The following CLEC4A variants were observed in gnomAD, a reference collection of about 807,000 sequenced individuals.
CLEC4A encodes C-type (calcium dependent, carbohydrate-recognition domain) lectin, superfamily member 6.
Under a neutral mutation model 32.7 loss-of-function variants are expected in CLEC4A, and 27 were observed. That is an observed-to-expected ratio of 0.83 (90% CI 0.61 to 1.14). The LOEUF is 1.14. Ranked by LOEUF, CLEC4A falls within the 50% of genes most tolerant of loss-of-function variation. The pLI is 0.00. For missense variants in CLEC4A, 253 were observed against 274.6 expected, an observed-to-expected ratio of 0.92 and a Z score of 0.55; for synonymous variants, 89 against 93.7, an observed-to-expected ratio of 0.95 and a Z score of 0.29.
chr12:8,103,620 C>T, the CLEC4A span, among the ~76,000 whole-genome samples: 1 of 152,142 alleles, frequency 6.6e-6, no homozygotes, highest in Non-Finnish European at 1.5e-5. Context: ...CTCCTGACCT[C>T]ATGATCCCTC....
the CLEC4A span, among the ~76,000 whole-genome samples, chr12:8,113,997 G>A: frequency 1.3e-5 from 2 of 152,148 alleles, no homozygotes; most frequent in African/African-American, 2.4e-5. Context: ...GGGGGCATTC[G>A]TACTTGTAAT....
chr12:8,119,691 C>T (rs899008460), upstream of CLEC4A, among the ~76,000 whole-genome samples: 12 of 152,188 alleles, frequency 7.9e-5, no homozygotes, highest in South Asian at 2.1e-4. Context: ...AATAGTCTAA[C>T]GAATATCTTG....
chr12:8,134,306 G>A (rs1287321220), intron 3 of CLEC4A: 2 of 1,612,134 alleles, frequency 1.2e-6, no homozygotes, highest in Non-Finnish European at 1.7e-6. Context: ...GCGGCAGATG[G>A]TCGTTTGGCT....
At chr12:8,119,158 T>G (rs1165615509), upstream of CLEC4A, among the ~76,000 whole-genome samples, 1 of 152,244 alleles carries the variant, frequency 6.6e-6, no homozygotes, top group African/African-American at 2.4e-5. Context: ...CCAGCTGAAT[T>G]AGCTAGCCTT....
the CLEC4A span, among the ~76,000 whole-genome samples, chr12:8,114,284 G>T: frequency 1.3e-5 from 2 of 151,314 alleles, no homozygotes; most frequent in Non-Finnish European, 2.9e-5. Context: ...TTGCTCTGTC[G>T]CCCAGGCTGG....
At chr12:8,123,242 C>T (rs191405279), upstream of CLEC4A, among the ~76,000 whole-genome samples, 1 of 152,100 alleles carries the variant, frequency 6.6e-6, no homozygotes, top group African/African-American at 2.4e-5. Flanking sequence ...TAGTTACCAA[C>T]AAGGAAACAC....
the CLEC4A span, among the ~76,000 whole-genome samples, chr12:8,107,969 A>C: frequency 6.6e-6 from 1 of 151,758 alleles, no homozygotes; most frequent in African/African-American, 2.4e-5. Flanking sequence ...TTCCTCTAGG[A>C]GTGGTGTTAG....
upstream of CLEC4A, among the ~76,000 whole-genome samples, chr12:8,122,308 T>G (rs1435478702): frequency 6.6e-6 from 1 of 151,676 alleles, no homozygotes; most frequent in Non-Finnish European, 1.5e-5. Flanking sequence ...TGACCTTGTG[T>G]GGAGCATTAG....
the CLEC4A span, among the ~76,000 whole-genome samples, chr12:8,106,664 G>C: frequency 6.6e-6 from 1 of 152,082 alleles, no homozygotes; most frequent in Non-Finnish European, 1.5e-5. Flanking sequence ...GTGGCATTTT[G>C]AATGGAATTA....
chr12:8,119,938 C>T (rs1349136518), upstream of CLEC4A, among the ~76,000 whole-genome samples: 2 of 152,166 alleles, frequency 1.3e-5, no homozygotes, highest in Non-Finnish European at 2.9e-5. Context: ...ACTCACTGAA[C>T]TCAGGATAGT....
chr12:8,108,101 T>G, the CLEC4A span, among the ~76,000 whole-genome samples: 1 of 152,200 alleles, frequency 6.6e-6, no homozygotes, highest in African/African-American at 2.4e-5. Context: ...TCTCATTAGT[T>G]TCAAAGAATT....
rs1213382808 is a variant in CLEC4A at position 8,134,569 on chromosome 12, G to A, written c.299-1016G>A. 8 of 1,613,406 alleles carry A rather than the reference G, an allele frequency of 5.0e-6. No homozygotes were observed. In the South Asian group the frequency reaches 6.6e-5, roughly 13 times the overall value. On this transcript the variant is annotated intron_variant, in intron 3 of 5. Transcript: ENST00000229332. Reference sequence around the variant, plus strand: ...ACCCCGACTCCTGCTTCGCCCTCAGGCTGAGAGGTCTCCAAGCCGTCTTGG... The same window carrying A: ...ACCCCGACTCCTGCTTCGCCCTCAGACTGAGAGGTCTCCAAGCCGTCTTGG...
chr12:8,106,369 G>A, the CLEC4A span, among the ~76,000 whole-genome samples: 1 of 152,116 alleles, frequency 6.6e-6, no homozygotes, highest in Non-Finnish European at 1.5e-5. Context: ...CTGGCTATTT[G>A]AGCTCTTTTT....
chr12:8,104,302 A>T, the CLEC4A span, among the ~76,000 whole-genome samples: 11 of 152,276 alleles, frequency 7.2e-5, no homozygotes, highest in East Asian at 2.1e-3. Context: ...AATAAATTAA[A>T]TTCCATTTTC....
chr12:8,127,917 C>T (rs1256056993), intron 2 of CLEC4A, among the ~76,000 whole-genome samples: 1 of 152,070 alleles, frequency 6.6e-6, no homozygotes, highest in Non-Finnish European at 1.5e-5. Context: ...AAGTTTTGGG[C>T]ATGTTGAGTT....
At chr12:8,103,267 C>T in the CLEC4A span, among the ~76,000 whole-genome samples, 1 of 151,162 alleles carries the variant, frequency 6.6e-6, no homozygotes, top group African/African-American at 2.4e-5. Context: ...TTCTTCTTTG[C>T]TTATAAAGTC....
chr12:8,127,130 C>T (rs1013075780), intron 2 of CLEC4A, among the ~76,000 whole-genome samples: 2 of 152,208 alleles, frequency 1.3e-5, no homozygotes, highest in African/African-American at 4.8e-5. Flanking sequence ...CCAGTCCTGG[C>T]TGAACTCACT....
At chr12:8,134,257 C>T (rs781543163) in intron 3 of CLEC4A, 92 of 1,612,420 alleles carry the variant, frequency 5.7e-5, no homozygotes, top group Middle Eastern at 1.6e-4. Context: ...AGGGCCGCAG[C>T]TCACACATGT....
chr12:8,113,482 C>T, the CLEC4A span, among the ~76,000 whole-genome samples: 3 of 152,076 alleles, frequency 2.0e-5, no homozygotes, highest in African/African-American at 4.8e-5. Flanking sequence ...ATTCAGAAAA[C>T]GTTCTAGGGA....
Sources: allele counts gnomAD v4.1 joint callset (sites outside exome capture counted in the v4.1 genomes callset), GRCh38; gene constraint gnomAD v4.1.1; transcripts MANE v1.5; gene names NCBI Gene and HGNC (gene_info 2026-07-23, HGNC 2026-07-21).